CPQ: variants seen among roughly 807,000 people sequenced by gnomAD.
CPQ encodes the protein Ser-Met dipeptidase.
Under a neutral mutation model 45.7 loss-of-function variants are expected in CPQ, and 37 were observed. The observed-to-expected ratio is 0.81, with a 90% CI of 0.62 to 1.07. CPQ has a LOEUF of 1.07. Among genes scored for constraint, CPQ ranks in the 50% least tolerant of loss-of-function variants. The pLI, the probability that CPQ is intolerant of heterozygous loss-of-function variation, is 0.00. For missense variants in CPQ, 537 were observed against 572.9 expected (o/e 0.94, Z 0.64); for synonymous variants, 186 against 205.8 (o/e 0.90, Z 0.82).
At chr8:96,810,505 C>T (rs540954793) in intron 2 of CPQ, among the ~76,000 whole-genome samples, 5 of 152,152 alleles carry the variant, frequency 3.3e-5, no homozygotes, top group Non-Finnish European at 7.4e-5. Context: ...GATCTAGACC[C>T]ATCTACTGGA....
At chr8:96,970,649 C>T (rs1037313445) in intron 5 of CPQ, among the ~76,000 whole-genome samples, 6 of 151,762 alleles carry the variant, frequency 4.0e-5, no homozygotes, top group African/African-American at 1.2e-4. Flanking sequence ...CTGCAAGCTC[C>T]GCCTCCCGGG....
chr8:96,790,240 G>C (rs1295576267), intron 2 of CPQ, among the ~76,000 whole-genome samples: 3 of 152,146 alleles, frequency 2.0e-5, no homozygotes, highest in Admixed American at 6.6e-5. Flanking sequence ...GCTACTGCAA[G>C]GGAGCTAGAT....
At chr8:96,759,687 A>G (rs1344702336) in intron 1 of CPQ, among the ~76,000 whole-genome samples, 2 of 152,196 alleles carry the variant, frequency 1.3e-5, no homozygotes, top group Non-Finnish European at 2.9e-5. Context: ...ACTGAGGTGC[A>G]GAACATTTAA....
chr8:96,672,328 C>T (rs1809015118), intron 1 of CPQ, among the ~76,000 whole-genome samples: 1 of 152,126 alleles, frequency 6.6e-6, no homozygotes, highest in African/African-American at 2.4e-5. Flanking sequence ...GTACTAGACA[C>T]TGTTCTAGGT....
Position 96,968,004 on chromosome 8 carries a change from C to T in CPQ, c.961+1958C>T, listed in dbSNP as rs182737835. ...ATAAATGTTAACTTTTATAACTTAACTTAATAAGCATGATTCTGACAGTAC... is the reference window on the plus strand; with the variant it reads ...ATAAATGTTAACTTTTATAACTTAATTTAATAAGCATGATTCTGACAGTAC... On this transcript the variant is annotated intron_variant, in intron 5 of 7. Coordinates refer to ENST00000220763, the MANE Select transcript of CPQ (RefSeq NM_016134.4). 7.2e-3 allele frequency among the ~76,000 whole-genome samples: 1,092 copies of T among 152,272 alleles called. 9 individuals are homozygous for T. The highest frequency in any genetic ancestry group is 0.011 in the Non-Finnish European group (749 of 67,998).
At chr8:96,646,219 C>T (rs1263527981) in intron 1 of CPQ, among the ~76,000 whole-genome samples, 1 of 151,926 alleles carries the variant, frequency 6.6e-6, no homozygotes, top group Non-Finnish European at 1.5e-5. Context: ...TTCAAATGGT[C>T]TCTGGAAACG....
At chr8:96,984,847 AT>A (rs2130393930) in intron 5 of CPQ, among the ~76,000 whole-genome samples, 1 of 152,296 alleles carries the variant, frequency 6.6e-6, no homozygotes, top group Non-Finnish European at 1.5e-5. Context: ...TGCTCAGTGA[AT>A]TTCAGCTGTT....
chr8:96,885,476 C>T (rs1812290337), intron 4 of CPQ, among the ~76,000 whole-genome samples: 1 of 152,060 alleles, frequency 6.6e-6, no homozygotes, highest in South Asian at 2.1e-4. Context: ...GTAATAACAC[C>T]CAGTATAGTT....
chr8:97,045,427 C>T (rs969157578), intron 6 of CPQ, among the ~76,000 whole-genome samples: 1 of 152,162 alleles, frequency 6.6e-6, no homozygotes, highest in Non-Finnish European at 1.5e-5. Flanking sequence ...ACTCCCTGAC[C>T]CCTTGTGCTT....
chr8:96,897,079 T>G (rs1312231350), intron 4 of CPQ, among the ~76,000 whole-genome samples: 1 of 152,204 alleles, frequency 6.6e-6, no homozygotes, highest in Non-Finnish European at 1.5e-5. Flanking sequence ...ATTATCATAC[T>G]TTGTTATTGC....
At chr8:96,979,692 G>C (rs558580061) in intron 5 of CPQ, among the ~76,000 whole-genome samples, 1 of 152,246 alleles carries the variant, frequency 6.6e-6, no homozygotes, top group African/African-American at 2.4e-5. Context: ...GCCGTGGAAC[G>C]TAAGGGTTTA....
intron 3 of CPQ, among the ~76,000 whole-genome samples, chr8:96,843,429 A>C (rs1811643179): frequency 6.6e-6 from 1 of 152,186 alleles, no homozygotes; most frequent in Non-Finnish European, 1.5e-5. Flanking sequence ...AGAAGAAAGA[A>C]GAGCTTGATT....
intron 4 of CPQ, among the ~76,000 whole-genome samples, chr8:96,934,359 G>A (rs531201584): frequency 6.6e-6 from 1 of 152,192 alleles, no homozygotes; most frequent in East Asian, 1.9e-4. Context: ...AGGCCAAGTA[G>A]GTGTTAGACT....
intron 2 of CPQ, among the ~76,000 whole-genome samples, chr8:96,796,757 T>C (rs929990628): frequency 2.0e-5 from 3 of 152,186 alleles, no homozygotes; most frequent in African/African-American, 7.2e-5. Context: ...TGTATATGGA[T>C]TGGTACTTCT....
chr8:96,969,458 T>C (rs1318620498), intron 5 of CPQ, among the ~76,000 whole-genome samples: 3 of 151,604 alleles, frequency 2.0e-5, no homozygotes, highest in Non-Finnish European at 3.0e-5. Context: ...TCTCTGAATG[T>C]AGGATGTACA....
chr8:97,103,369 G>A (rs984747091), intron 7 of CPQ, among the ~76,000 whole-genome samples: 2 of 152,124 alleles, frequency 1.3e-5, no homozygotes, highest in Admixed American at 1.3e-4. Context: ...GAGGCCATGA[G>A]GGTTTGAGAT....
At chr8:96,667,300 AT>A (rs1412218561) in intron 1 of CPQ, among the ~76,000 whole-genome samples, 1 of 149,792 alleles carries the variant, frequency 6.7e-6, no homozygotes, top group Non-Finnish European at 1.5e-5. Context: ...GATGATGGTG[AT>A]TTTTTGATTT....
chr8:97,038,825 C>CAAAAAAAAAAAAAAAAAAAAAAA (rs35739621), intron 6 of CPQ, among the ~76,000 whole-genome samples: 1 of 91,874 alleles, frequency 1.1e-5, no homozygotes, highest in Admixed American at 1.3e-4. Flanking sequence ...ACCGTATTTA[C>CAAAAAAAAAAAAAAAAAAAAAAA]AAAAAAAAAA....
At chr8:96,988,757 C>G (rs1377451484) in intron 5 of CPQ, among the ~76,000 whole-genome samples, 1 of 152,130 alleles carries the variant, frequency 6.6e-6, no homozygotes, top group Non-Finnish European at 1.5e-5. Context: ...TAAAGAAGAT[C>G]AAACAGAAAT....
Sources: gnomAD v4.1 joint callset for allele counts (sites outside exome capture counted in the v4.1 genomes callset) on GRCh38, gnomAD v4.1.1 for gene constraint, MANE v1.5 for transcripts, NCBI Gene and HGNC (gene_info 2026-07-23, HGNC 2026-07-21) for gene names.